Variants in WDR35 observed in about 807,000 individuals in gnomAD.
WDR35 encodes the protein WD repeat-containing protein 35.
A neutral mutation model predicts 158.3 loss-of-function variants in WDR35; 118 were observed. The ratio of observed to expected loss-of-function variants is 0.75; its 90% CI spans 0.64 to 0.87. The LOEUF (loss-of-function observed/expected upper bound fraction) is 0.87. Among genes scored for constraint, WDR35 ranks in the 40% least tolerant of loss-of-function variants. The pLI is 0.00. For synonymous variants in WDR35, 448 were observed against 476.1 expected (o/e 0.94, Z 0.77); for missense variants, 1,263 against 1,405.8 (o/e 0.90, Z 1.62).
chr2:19,941,546 C>A (rs2103410300), intron 17 of WDR35, among the ~76,000 whole-genome samples: 1 of 152,172 alleles, frequency 6.6e-6, no homozygotes, highest in South Asian at 2.1e-4. Flanking sequence ...ATAACTGAGA[C>A]TTATACATTT....
chr2:19,960,791 T>C lies in WDR35; in HGVS notation c.1195-177A>G, dbSNP rs77006574. On this transcript the variant is annotated intron_variant, in intron 10 of 26. Coordinates refer to ENST00000281405, the MANE Select transcript of WDR35 (RefSeq NM_020779.4). ...AAGAAAGATGATTTACAGCATTAAA[T>C]ATAAAGAAAGATCAGTTAATACTAA... is the stretch of plus-strand genomic sequence containing the variant. Among the ~76,000 whole-genome samples, 14 of 152,332 alleles carry C rather than the reference T, an allele frequency of 9.2e-5. No individual in the cohort carries two copies. The East Asian group carries it at 2.3e-3, about 25-fold the overall frequency.
At chr2:19,957,284 G>A (rs1215854936) in intron 11 of WDR35, among the ~76,000 whole-genome samples, 1 of 152,124 alleles carries the variant, frequency 6.6e-6, no homozygotes, top group African/African-American at 2.4e-5. Flanking sequence ...ACAAAAAATA[G>A]AAATATATCT....
In WDR35 at chr2:19,931,374, AG is replaced by A. The variant is rs397515334; in HGVS notation, c.2858del (p.Pro953LeufsTer15). 5 of 1,613,470 alleles carry A rather than the reference AG, an allele frequency of 3.1e-6. No individual in the cohort carries two copies. Among genetic ancestry groups the A allele is most frequent in the Non-Finnish European group, 4.2e-6 (5 of 1,179,690 alleles). ...GTACATAGAGCTTCTTGACACGTAAAGGTTTACTTCCTTTCTTTGCCTCTTC... is the reference window on the plus strand; with the variant it reads ...GTACATAGAGCTTCTTGACACGTAAAGTTTACTTCCTTTCTTTGCCTCTTC... ...ADEEAKKGSK[P>X]LRVKKLYVLS... On this transcript the variant is annotated frameshift_variant, in exon 24 of 27. Transcript: ENST00000281405. LOFTEE classifies it high-confidence loss of function.
chr2:19,923,038 C>A (rs1670227837), intron 25 of WDR35, among the ~76,000 whole-genome samples: 1 of 152,212 alleles, frequency 6.6e-6, no homozygotes, highest in Non-Finnish European at 1.5e-5. Context: ...TCCTTCATTT[C>A]TCATAAGGGA....
At chr2:19,982,111 A>G (rs1261090054) in intron 3 of WDR35, among the ~76,000 whole-genome samples, 1 of 152,160 alleles carries the variant, frequency 6.6e-6, no homozygotes, top group Non-Finnish European at 1.5e-5. Flanking sequence ...TGCCCATACA[A>G]CCATTCTGTT....
At chr2:19,983,681 G>T (rs1297610476) in intron 2 of WDR35, among the ~76,000 whole-genome samples, 1 of 152,056 alleles carries the variant, frequency 6.6e-6, no homozygotes, top group Non-Finnish European at 1.5e-5. Flanking sequence ...AAAATATTAT[G>T]AAAAATATCC....
At chr2:19,916,588 C>T (rs1181662603) in intron 25 of WDR35, among the ~76,000 whole-genome samples, 2 of 152,206 alleles carry the variant, frequency 1.3e-5, no homozygotes, top group Non-Finnish European at 2.9e-5. Flanking sequence ...CTTGAGTAGG[C>T]GGTTTCACCC....
At chr2:19,981,596 C>T (rs1203361222) in intron 3 of WDR35, among the ~76,000 whole-genome samples, 2 of 152,170 alleles carry the variant, frequency 1.3e-5, no homozygotes, top group Non-Finnish European at 2.9e-5. Context: ...TGGCTCACTG[C>T]AGCCTCCAAC....
rs949543245 is a variant in WDR35, at chr2:19,916,263, G to A, written c.3122-1986C>T. Reference sequence around the variant, plus strand: ...ACCTGCAGACCAGGAGATTCCTTTCGCTGCCCACGCCACCGGGGCCCTGGG... The same window carrying A: ...ACCTGCAGACCAGGAGATTCCTTTCACTGCCCACGCCACCGGGGCCCTGGG... On this transcript the variant is annotated intron_variant, in intron 25 of 26. Transcript: ENST00000281405. Among the ~76,000 whole-genome samples the A allele has an allele frequency of 1.3e-4, 20 of 152,292 alleles. No individual in the cohort carries two copies. The East Asian group carries it at 2.1e-3, about 16-fold the overall frequency.
chr2:19,965,638 G>C (rs1671825034), intron 10 of WDR35, among the ~76,000 whole-genome samples: 1 of 152,166 alleles, frequency 6.6e-6, no homozygotes, highest in African/African-American at 2.4e-5. Context: ...TTTCAGCAGA[G>C]TTCCCCCACC....
In WDR35 at chr2:19,959,474, A is replaced by G. The variant is rs549451352; in HGVS notation, c.1255+1080T>C. Among the ~76,000 whole-genome samples, 3 of 152,178 alleles carry G rather than the reference A, an allele frequency of 2.0e-5. No homozygotes were observed. In the East Asian group the frequency reaches 5.8e-4, roughly 29 times the overall value. Reference sequence around the variant, plus strand: ...TAACAAGGAACACTAATGTGTATATATATGTGTATATAAATATATACACAT... The same window carrying G: ...TAACAAGGAACACTAATGTGTATATGTATGTGTATATAAATATATACACAT... On this transcript the variant is annotated intron_variant, in intron 11 of 26. Coordinates refer to ENST00000281405, the MANE Select transcript of WDR35 (RefSeq NM_020779.4).
intron 24 of WDR35, among the ~76,000 whole-genome samples, chr2:19,930,883 T>A (rs1670504867): frequency 6.6e-6 from 1 of 152,176 alleles, no homozygotes; most frequent in Admixed American, 6.5e-5. Flanking sequence ...TAAACTGGTA[T>A]GAATAAATTT....
rs1669890833 is a variant in WDR35 at position 19,913,316 on chromosome 2, A to G, written c.*242T>C. ...ACCAAAAACAAGATAAACAAAAGAG[A>G]GAGGGTGAGAGAAAACATGGTTGAT... On this transcript the variant is annotated 3_prime_UTR_variant, in exon 27 of 27. Transcript: ENST00000281405. 7.1e-6 allele frequency: 3 copies of G among 423,360 alleles called. No individual in the cohort carries two copies. The highest frequency in any genetic ancestry group is 1.3e-5 in the Non-Finnish European group (3 of 236,924). The allele number at this position is 423,360 out of a possible 1,614,324, so 26.2% of individuals were successfully genotyped here. A position where few individuals can be genotyped will look rare whatever the true frequency, so the allele number is the denominator to read the frequency against.
intron 16 of WDR35, among the ~76,000 whole-genome samples, chr2:19,944,704 C>G (rs140566982): frequency 1.8e-3 from 268 of 152,240 alleles, no homozygotes; most frequent in Non-Finnish European, 2.8e-3. Context: ...GATCCTAAGA[C>G]TTGCAAAAGC....
chr2:19,941,257 A>C (rs945878995), intron 17 of WDR35, among the ~76,000 whole-genome samples: 8 of 152,178 alleles, frequency 5.3e-5, no homozygotes, highest in African/African-American at 9.7e-5. Flanking sequence ...CATGTCTTGA[A>C]TTTAAAAAGA....
At chr2:19,935,648 T>G (rs1670670698) in intron 20 of WDR35, 45 bp from the exon 21 acceptor site, 1 of 1,598,538 alleles carries the variant, frequency 6.3e-7, no homozygotes. Context: ...AATGTGAATC[T>G]CCTGATAAAT....
At chr2:19,920,135 A>C (rs1050051626) in intron 25 of WDR35, among the ~76,000 whole-genome samples, 2 of 152,214 alleles carry the variant, frequency 1.3e-5, no homozygotes, top group African/African-American at 4.8e-5. Context: ...ATTCACAGCC[A>C]AATTCTACCA....
chr2:19,939,667 T>C (rs926140412), intron 17 of WDR35, among the ~76,000 whole-genome samples: 1 of 152,204 alleles, frequency 6.6e-6, no homozygotes, highest in Non-Finnish European at 1.5e-5. Context: ...TGTTTAACGG[T>C]AGTGACTAAA....
intron 9 of WDR35, among the ~76,000 whole-genome samples, chr2:19,967,964 T>TAC (rs967346169): frequency 1.3e-5 from 2 of 152,224 alleles, no homozygotes; most frequent in African/African-American, 4.8e-5. Flanking sequence ...CCATTTGGGA[T>TAC]ACTTAGATTT....
Sources: gnomAD v4.1 joint callset for allele counts (sites outside exome capture counted in the v4.1 genomes callset) on GRCh38, gnomAD v4.1.1 for gene constraint, MANE v1.5 for transcripts, NCBI Gene and HGNC (gene_info 2026-07-23, HGNC 2026-07-21) for gene names.